KCNK10: variants seen among roughly 807,000 people sequenced by gnomAD.
KCNK10 encodes the protein potassium channel subfamily K member 10.
Under a neutral mutation model 47.7 loss-of-function variants are expected in KCNK10, and 25 were observed. That is an observed-to-expected ratio of 0.52 (90% CI 0.38 to 0.73). The LOEUF is 0.73. Among genes scored for constraint, KCNK10 ranks in the 30% least tolerant of loss-of-function variants. The pLI, the probability that KCNK10 is intolerant of heterozygous loss-of-function variation, is 0.00. For missense variants in KCNK10, 563 were observed against 714.5 expected, an observed-to-expected ratio of 0.79 and a Z score of 2.42; for synonymous variants, 303 against 285.6, an observed-to-expected ratio of 1.06 and a Z score of -0.61.
intron 1 of KCNK10, among the ~76,000 whole-genome samples, chr14:88,292,625 A>G (rs34827096): frequency 0.19 from 27,973 of 150,752 alleles, 3,150 homozygotes; most frequent in East Asian, 0.45. Flanking sequence ...TGCTGGGATT[A>G]CAGGTTTTCT....
At chr14:88,239,178 C>T (rs371011518) in intron 3 of KCNK10, among the ~76,000 whole-genome samples, 3 of 151,478 alleles carry the variant, frequency 2.0e-5, no homozygotes, top group Non-Finnish European at 2.9e-5. Flanking sequence ...TTGTTCAATG[C>T]GGGATTGCCA....
rs907890746 is a variant in KCNK10, at chr14:88,322,987, G to A, written c.-189C>T. 2 of 1,419,928 alleles carry A rather than the reference G, an allele frequency of 1.4e-6. No homozygotes were observed. Among genetic ancestry groups the A allele is most frequent in the South Asian group, 1.5e-5 (1 of 66,064 alleles). The allele number at this position is 1,419,928 out of a possible 1,614,324, so 88.0% of individuals were successfully genotyped here. A position where few individuals can be genotyped will look rare whatever the true frequency, so the allele number is the denominator to read the frequency against. On this transcript the variant is annotated 5_prime_UTR_variant, in exon 1 of 7. Transcript: ENST00000319231. The surrounding 1 kb of genome is among the most constrained non-coding windows in gnomAD (Gnocchi z 4.8). ...TATTAGCTTGGGGGAGAACTGGAGA[G>A]GGCTTGGGTGTTTGCACCGGCCAGG...
intron 2 of KCNK10, among the ~76,000 whole-genome samples, chr14:88,250,610 C>T (rs149746247): frequency 1.6e-4 from 24 of 152,296 alleles, no homozygotes; most frequent in African/African-American, 4.8e-4. Flanking sequence ...TCTCAGGTGC[C>T]GTGCTTTCCA....
At chr14:88,308,541 T>C (rs781144061) in intron 1 of KCNK10, among the ~76,000 whole-genome samples, 2 of 152,278 alleles carry the variant, frequency 1.3e-5, no homozygotes, top group African/African-American at 2.4e-5. Context: ...AAAAAGTTAC[T>C]ATCTGCTAGA....
intron 1 of KCNK10, among the ~76,000 whole-genome samples, chr14:88,297,180 T>C (rs1342220188): frequency 6.6e-6 from 1 of 152,204 alleles, no homozygotes; most frequent in East Asian, 1.9e-4. Flanking sequence ...AATAAACAGA[T>C]TTCCTATCAG....
intron 4 of KCNK10, among the ~76,000 whole-genome samples, chr14:88,210,193 CATAGCTGATAAGAAGTAGACATAGCAT>C (rs1885408957): frequency 6.6e-6 from 1 of 152,204 alleles, no homozygotes; most frequent in African/African-American, 2.4e-5. Context: ...CCTGAGGTCA[CATAGCTGATAAGAAGTAGACATAGCAT>C]GGATCATTCA....
chr14:88,251,853 T>C (rs112285735), intron 2 of KCNK10, among the ~76,000 whole-genome samples: 1,563 of 152,298 alleles, frequency 0.01, 30 homozygotes, highest in African/African-American at 0.036. Flanking sequence ...TCCTCAGCCA[T>C]GGCATGTTGC....
chr14:88,250,563 C>T (rs1886765288), intron 2 of KCNK10, among the ~76,000 whole-genome samples: 1 of 152,212 alleles, frequency 6.6e-6, no homozygotes, highest in Non-Finnish European at 1.5e-5. Flanking sequence ...TGCTCTAGAT[C>T]TGCACTCTGA....
intron 1 of KCNK10, among the ~76,000 whole-genome samples, chr14:88,305,842 T>C (rs1888193359): frequency 6.6e-6 from 1 of 152,096 alleles, no homozygotes; most frequent in African/African-American, 2.4e-5. Context: ...CCAGTGGAAT[T>C]TTTCCTACAG....
At chr14:88,306,616 C>G (rs952162008) in intron 1 of KCNK10, among the ~76,000 whole-genome samples, 3 of 152,058 alleles carry the variant, frequency 2.0e-5, no homozygotes, top group African/African-American at 4.8e-5. Context: ...CCCATCATCC[C>G]CACTGCTATC....
chr14:88,314,879 A>G (rs190159201), intron 1 of KCNK10, among the ~76,000 whole-genome samples: 9 of 152,360 alleles, frequency 5.9e-5, no homozygotes, highest in African/African-American at 1.4e-4. Flanking sequence ...AATTATCCCT[A>G]TCTTGCAGAT....
chr14:88,227,873 G>A (rs762764379), intron 3 of KCNK10, among the ~76,000 whole-genome samples: 5 of 152,176 alleles, frequency 3.3e-5, no homozygotes, highest in African/African-American at 7.2e-5. Flanking sequence ...ACCTGAATGC[G>A]TGGGAAGGAA....
intron 3 of KCNK10, among the ~76,000 whole-genome samples, chr14:88,234,522 T>C (rs928562678): frequency 6.6e-6 from 1 of 152,176 alleles, no homozygotes; most frequent in Non-Finnish European, 1.5e-5. Flanking sequence ...TTTGCGCCTA[T>C]AGGAAGTTGA....
rs1566721420 is a variant in KCNK10, at chr14:88,310,168, T to TGATATGGTATATGATATA, written c.52+12578_52+12579insTATATCATATACCATATC. On this transcript the variant is annotated intron_variant, in intron 1 of 6. Coordinates refer to ENST00000319231, the MANE Select transcript of KCNK10 (RefSeq NM_138317.3). ...ATCCATATCTCTCTCATATACCATA[T>TGATATGGTATATGATATA]CATATGGTATATGATATACCATATC... is the stretch of plus-strand genomic sequence containing the variant. Among the ~76,000 whole-genome samples the TGATATGGTATATGATATA allele has an allele frequency of 6.1e-3, 771 of 125,424 alleles. 52 individuals carry two copies. Among genetic ancestry groups the TGATATGGTATATGATATA allele is most frequent in the African/African-American group, 0.02 (732 of 35,756 alleles). The allele number at this position is 125,424 out of a possible 152,430, so 82.3% of individuals were successfully genotyped here.
At chr14:88,279,542 C>A (rs390147) in intron 1 of KCNK10, among the ~76,000 whole-genome samples, 12 of 152,028 alleles carry the variant, frequency 7.9e-5, no homozygotes, top group African/African-American at 2.9e-4. Context: ...ACAATAGCAA[C>A]AAAATTTTTA....
At chr14:88,230,189 G>A (rs1339449026) in intron 3 of KCNK10, among the ~76,000 whole-genome samples, 21 of 152,164 alleles carry the variant, frequency 1.4e-4, no homozygotes, top group Non-Finnish European at 2.6e-4. Flanking sequence ...GCTTTACTGT[G>A]GGAAGGAATT....
At chr14:88,194,764 C>T (rs1884855494) in intron 4 of KCNK10, among the ~76,000 whole-genome samples, 1 of 152,190 alleles carries the variant, frequency 6.6e-6, no homozygotes, top group African/African-American at 2.4e-5. Flanking sequence ...TTCACCACTA[C>T]TCATTGCCCC....
intron 2 of KCNK10, among the ~76,000 whole-genome samples, chr14:88,248,669 C>T (rs2139900568): frequency 6.6e-6 from 1 of 151,766 alleles, no homozygotes; most frequent in East Asian, 1.9e-4. Flanking sequence ...GCAGAGGCTG[C>T]AGTAAGCCAT....
chr14:88,298,408 C>T (rs1410558903), intron 1 of KCNK10, among the ~76,000 whole-genome samples: 1 of 152,186 alleles, frequency 6.6e-6, no homozygotes, highest in Non-Finnish European at 1.5e-5. Flanking sequence ...CCTTCCCCTC[C>T]TCATCCATCA....
Sources: allele counts gnomAD v4.1 joint callset (sites outside exome capture counted in the v4.1 genomes callset), GRCh38; gene constraint gnomAD v4.1.1; non-coding constraint Gnocchi (gnomAD v3.1); transcripts MANE v1.5; gene names NCBI Gene and HGNC (gene_info 2026-07-23, HGNC 2026-07-21).